The following KIF6 variants were observed in gnomAD, a reference collection of about 807,000 sequenced individuals.
The protein encoded by KIF6 is kinesin family member 6, also known as kinesin-like protein KIF6.
KIF6 carries 106 observed loss-of-function variants against 112.7 expected under a neutral mutation model. The observed-to-expected ratio is 0.94, with a 90% CI of 0.80 to 1.11. The LOEUF is 1.11. Among genes scored for constraint, KIF6 ranks in the 50% least tolerant of loss-of-function variants. The pLI is 0.00. For missense variants in KIF6, 929 were observed against 964.0 expected (o/e 0.96, Z 0.48); for synonymous variants, 339 against 339.9 (o/e 1.00, Z 0.03).
intron 15 of KIF6, among the ~76,000 whole-genome samples, chr6:39,410,898 G>A (rs913231631): frequency 2.0e-5 from 3 of 152,150 alleles, no homozygotes; most frequent in African/African-American, 4.8e-5. Flanking sequence ...CTGCCTAGGT[G>A]ACCACTTTCT....
chr6:39,439,491 G>A (rs757086180), intron 13 of KIF6, among the ~76,000 whole-genome samples: 4 of 152,138 alleles, frequency 2.6e-5, no homozygotes, highest in Non-Finnish European at 4.4e-5. Context: ...TCCAAAAGAC[G>A]ACATTGCAAT....
rs113946008 is a variant in KIF6, at chr6:39,343,445, G to A, written c.2428+264C>T. On this transcript the variant is annotated intron_variant, in intron 22 of 22. Transcript: ENST00000287152. The surrounding 1 kb of genome is among the most constrained non-coding windows in gnomAD (Gnocchi z 4.1). ...ACAAAGGAGCTGAAGATCTGGAAGAGACAGAGAGCAAGCTCTGCCAAGAGG... is the reference window on the plus strand; with the variant it reads ...ACAAAGGAGCTGAAGATCTGGAAGAAACAGAGAGCAAGCTCTGCCAAGAGG... The A allele has an allele frequency of 9.2e-3, 13,242 of 1,433,396 alleles. 87 individuals are homozygous for A. The highest frequency in any genetic ancestry group is 0.011 in the Non-Finnish European group (11,812 of 1,081,652). The allele number at this position is 1,433,396 out of a possible 1,614,324, so 88.8% of individuals were successfully genotyped here.
At chr6:39,635,644 G>A (rs1376769114) in intron 4 of KIF6, among the ~76,000 whole-genome samples, 1 of 152,148 alleles carries the variant, frequency 6.6e-6, no homozygotes, top group Non-Finnish European at 1.5e-5. Context: ...GGTCACTGCT[G>A]AAATGCAATG....
At chr6:39,546,745 G>A (rs1779086273) in intron 10 of KIF6, among the ~76,000 whole-genome samples, 1 of 150,344 alleles carries the variant, frequency 6.7e-6, no homozygotes, top group Non-Finnish European at 1.5e-5. Context: ...AGAATCACTT[G>A]AACCCAGGAG....
intron 3 of KIF6, among the ~76,000 whole-genome samples, chr6:39,704,439 T>C (rs1284973074): frequency 1.3e-5 from 2 of 152,120 alleles, no homozygotes; most frequent in East Asian, 3.9e-4. Flanking sequence ...GCCAACATGG[T>C]AAAACCCTGT....
intron 11 of KIF6, among the ~76,000 whole-genome samples, chr6:39,545,072 T>C (rs992177088): frequency 4.9e-4 from 75 of 152,360 alleles, no homozygotes; most frequent in African/African-American, 1.7e-3. Flanking sequence ...GTCATCTCCA[T>C]GACTTGCTTA....
At chr6:39,458,328 AT>A (rs1773274240) in intron 13 of KIF6, among the ~76,000 whole-genome samples, 1 of 150,232 alleles carries the variant, frequency 6.7e-6, no homozygotes, top group East Asian at 2.0e-4. Context: ...ACAACTCTTC[AT>A]GCTAAAAACT....
At chr6:39,609,633 A>T (rs11756696) in intron 6 of KIF6, among the ~76,000 whole-genome samples, 1 of 152,198 alleles carries the variant, frequency 6.6e-6, no homozygotes, top group Non-Finnish European at 1.5e-5. Context: ...CAACGAAGAT[A>T]TAAAAGTATT....
At chr6:39,481,809 T>C (rs1407725454) in intron 13 of KIF6, among the ~76,000 whole-genome samples, 1 of 152,172 alleles carries the variant, frequency 6.6e-6, no homozygotes, top group African/African-American at 2.4e-5. Flanking sequence ...TCTGTGGGGA[T>C]GACTTACACT....
intron 13 of KIF6, among the ~76,000 whole-genome samples, chr6:39,454,787 C>T (rs1219059355): frequency 6.6e-6 from 1 of 152,062 alleles, no homozygotes; most frequent in Admixed American, 6.5e-5. Flanking sequence ...GGGTCACTCC[C>T]ACCCGAATAT....
chr6:39,555,110 C>T (rs1000030155), intron 10 of KIF6, among the ~76,000 whole-genome samples: 2 of 152,114 alleles, frequency 1.3e-5, no homozygotes, highest in African/African-American at 2.4e-5. Context: ...ACTCCTGCAC[C>T]AGCACCTGGA....
chr6:39,562,981 T>C (rs1040588609), intron 10 of KIF6, among the ~76,000 whole-genome samples: 9 of 152,122 alleles, frequency 5.9e-5, no homozygotes, highest in African/African-American at 2.2e-4. Context: ...CTCACACCTG[T>C]TGTAATCCTA....
At chr6:39,506,836 C>T (rs1429238578) in intron 13 of KIF6, among the ~76,000 whole-genome samples, 4 of 152,036 alleles carry the variant, frequency 2.6e-5, no homozygotes, top group Non-Finnish European at 5.9e-5. Flanking sequence ...CTCATCTTCA[C>T]AGGAAGGGGA....
chr6:39,592,037 G>A (rs111767362), intron 7 of KIF6, among the ~76,000 whole-genome samples: 4,159 of 152,236 alleles, frequency 0.027, 166 homozygotes, highest in African/African-American at 0.089. Flanking sequence ...GCAAGAACCC[G>A]GGAGATGGAG....
At chr6:39,374,984 G>A (rs893328235) in intron 16 of KIF6, among the ~76,000 whole-genome samples, 1 of 152,104 alleles carries the variant, frequency 6.6e-6, no homozygotes, top group African/African-American at 2.4e-5. Flanking sequence ...ACAGATGAAT[G>A]GATAAATAAA....
intron 3 of KIF6, among the ~76,000 whole-genome samples, chr6:39,697,575 C>T (rs369843528): frequency 1.4e-4 from 21 of 147,412 alleles, no homozygotes; most frequent in African/African-American, 5.0e-4. Flanking sequence ...CAGAGTCTTG[C>T]TCTCTTTGCC....
chr6:39,617,545 T>C (rs1297488263), intron 5 of KIF6, among the ~76,000 whole-genome samples: 1 of 152,196 alleles, frequency 6.6e-6, no homozygotes, highest in Non-Finnish European at 1.5e-5. Context: ...TATGATGGTA[T>C]AGGTCATGCA....
At chr6:39,423,763 C>A (rs140964344) in intron 14 of KIF6, among the ~76,000 whole-genome samples, 52 of 152,222 alleles carry the variant, frequency 3.4e-4, no homozygotes, top group African/African-American at 1.2e-3. Flanking sequence ...TCCATTAGCG[C>A]CTTCCCTCAA....
intron 6 of KIF6, among the ~76,000 whole-genome samples, chr6:39,610,806 A>C (rs1296655968): frequency 6.6e-6 from 1 of 152,202 alleles, no homozygotes; most frequent in Non-Finnish European, 1.5e-5. Context: ...GTAACATGGT[A>C]ATTATTATTA....
Sources: allele counts gnomAD v4.1 joint callset (sites outside exome capture counted in the v4.1 genomes callset), GRCh38; gene constraint gnomAD v4.1.1; non-coding constraint Gnocchi (gnomAD v3.1); transcripts MANE v1.5; gene names NCBI Gene and HGNC (gene_info 2026-07-23, HGNC 2026-07-21).